The following UBN2 variants were observed in gnomAD, a reference collection of about 807,000 sequenced individuals.
UBN2 encodes ubinuclein 2.
UBN2 carries 35 observed loss-of-function variants against 120.2 expected under a neutral mutation model. That is an observed-to-expected ratio of 0.29 (90% confidence interval 0.22 to 0.39). The LOEUF (loss-of-function observed/expected upper bound fraction) is 0.39. Ranked by LOEUF, UBN2 falls within the 10% of genes least tolerant of loss-of-function variation. The probability of loss-of-function intolerance (pLI) is 1.00; values close to 1 mark genes in which losing one functional copy is unlikely to be tolerated. For synonymous variants in UBN2, 661 were observed against 648.7 expected, an observed-to-expected ratio of 1.02 and a Z score of -0.29; for missense variants, 1,693 against 1,663.2, an observed-to-expected ratio of 1.02 and a Z score of -0.31.
chr7:139,310,343 A>G (rs976452410), downstream of UBN2, among the ~76,000 whole-genome samples: 2 of 152,178 alleles, frequency 1.3e-5, no homozygotes, highest in African/African-American at 4.8e-5. Context: ...GTAGGGGAAA[A>G]AAGTACAAAG....
At position 139,298,759 on chromosome 7, in the gene UBN2, A is replaced by G. The variant is rs1446120862; in HGVS notation, c.*923A>G. ...TGCTGCTTTTAGCCCTTGCAGCAAC[A>G]TAAACTCTAAGTTTCCCCAGTTCAT... On this transcript the variant is annotated 3_prime_UTR_variant, in exon 18 of 18. Transcript: ENST00000473989. 6.6e-6 allele frequency: 1 copy of G among 152,062 alleles called. No individual in the cohort carries two copies. The highest frequency in any genetic ancestry group is 2.4e-5 in the African/African-American group (1 of 41,386). 9.4% of individuals were successfully genotyped at this position (152,062 alleles called of 1,614,324 possible).
rs778971167 is a variant in UBN2, at chr7:139,231,478, A to G, written c.-7A>G. The G allele has an allele frequency of 1.7e-5, 23 of 1,362,708 alleles. 1 individual carries two copies. The South Asian group carries it at 1.9e-4, about 11-fold the overall frequency. The allele number at this position is 1,362,708 out of a possible 1,614,324, so 84.4% of individuals were successfully genotyped here. ...TCGAGCAAAAGCGGAGGGCCAGAAC[A>G]GTGGGGATGGCGGAGCCGCGCAGAG... On this transcript the variant is annotated 5_prime_UTR_variant, in exon 1 of 18. Coordinates refer to ENST00000473989, the MANE Select transcript of UBN2 (RefSeq NM_173569.4).
intron 9 of UBN2, among the ~76,000 whole-genome samples, chr7:139,272,736 A>G (rs1797321210): frequency 6.6e-6 from 1 of 152,118 alleles, no homozygotes. Context: ...CATGTTGACC[A>G]GGCTGGTCTC....
downstream of UBN2, among the ~76,000 whole-genome samples, chr7:139,309,418 TG>T (rs1798417899): frequency 6.6e-6 from 1 of 152,210 alleles, no homozygotes; most frequent in African/African-American, 2.4e-5. Context: ...AAAAGTGTGT[TG>T]TTGTCAGCAG....
In UBN2 at chr7:139,259,301, A is replaced by AGAAGCG. The variant is rs1363896224; in HGVS notation, c.846_851dup (p.Arg283_Lys284dup). On this transcript the variant is annotated inframe_insertion, in exon 5 of 18. Coordinates refer to ENST00000473989, the MANE Select transcript of UBN2 (RefSeq NM_173569.4). ...ATAAAAGAAGATGATATTGAGATGAAGAAGCGGAAGCGGAAAGAGGAAGGG... is the reference window on the plus strand; with the variant it reads ...ATAAAAGAAGATGATATTGAGATGAAGAAGCGGAAGCGGAAGCGGAAAGAGGAAGGG... 4 of 1,613,848 alleles carry AGAAGCG rather than the reference A, an allele frequency of 2.5e-6. No homozygotes were observed. In the African/African-American group the frequency reaches 5.3e-5, roughly 22 times the overall value.
chr7:139,274,398 A>G (rs1797380232), intron 11 of UBN2, among the ~76,000 whole-genome samples: 1 of 152,200 alleles, frequency 6.6e-6, no homozygotes, highest in African/African-American at 2.4e-5. Flanking sequence ...TAGGGGTAAC[A>G]TGAAGATGAG....
At chr7:139,264,377 C>T (rs1431295484) in intron 6 of UBN2, among the ~76,000 whole-genome samples, 1 of 152,044 alleles carries the variant, frequency 6.6e-6, no homozygotes, top group Non-Finnish European at 1.5e-5. Context: ...TTCTGGTCAG[C>T]GATCCTCATG....
downstream of UBN2, among the ~76,000 whole-genome samples, chr7:139,310,983 G>A (rs915209730): frequency 2.6e-5 from 4 of 152,074 alleles, no homozygotes; most frequent in Non-Finnish European, 5.9e-5. Flanking sequence ...TTTGCCATCT[G>A]TATATATTGC....
intron 17 of UBN2, 130 bp from the exon 18 acceptor site, chr7:139,297,657 A>G: frequency 1.3e-6 from 1 of 783,412 alleles, no homozygotes; most frequent in Non-Finnish European, 2.1e-6. Context: ...CATGCAAGAT[A>G]TTAAAAGTGA....
chr7:139,309,803 G>A (rs1434724562), downstream of UBN2, among the ~76,000 whole-genome samples: 7 of 151,228 alleles, frequency 4.6e-5, no homozygotes, highest in South Asian at 8.4e-4. Context: ...CCCAGGAGGC[G>A]GAGGTTGCAG....
At chr7:139,320,181 AC>A in the UBN2 span, among the ~76,000 whole-genome samples, 10 of 151,800 alleles carry the variant, frequency 6.6e-5, no homozygotes, top group African/African-American at 2.4e-4. Context: ...AAAAATTCTG[AC>A]CAGACGTGAT....
chr7:139,289,416 T>C (rs1305725516), intron 15 of UBN2, among the ~76,000 whole-genome samples: 1 of 144,466 alleles, frequency 6.9e-6, no homozygotes, highest in Non-Finnish European at 1.5e-5. Context: ...ACATTTTGCT[T>C]TTTTTTTTTT....
chr7:139,316,070 T>A, the UBN2 span, among the ~76,000 whole-genome samples: 2 of 112,076 alleles, frequency 1.8e-5, no homozygotes, highest in South Asian at 2.7e-4. Context: ...AGAGCGAGAC[T>A]TCGTCTCAAA....
intron 2 of UBN2, among the ~76,000 whole-genome samples, chr7:139,249,208 C>T (rs959646917): frequency 2.0e-5 from 3 of 152,096 alleles, no homozygotes; most frequent in African/African-American, 2.4e-5. Flanking sequence ...CCATTACTTA[C>T]ATTTCGCACC....
At chr7:139,252,202 C>CT in intron 3 of UBN2, 145 bp downstream of exon 3, 3 of 573,716 alleles carry the variant, frequency 5.2e-6, no homozygotes, top group East Asian at 3.2e-5. Context: ...ATTTCTTTAC[C>CT]CTTTTTTTTT....
chr7:139,250,043 A>G (rs1168702297), intron 2 of UBN2, among the ~76,000 whole-genome samples: 2 of 151,666 alleles, frequency 1.3e-5, no homozygotes, highest in Admixed American at 6.6e-5. Flanking sequence ...ATCCCCTACC[A>G]AAAAAAATAT....
intron 2 of UBN2, among the ~76,000 whole-genome samples, chr7:139,251,720 C>T (rs1796629125): frequency 6.6e-6 from 1 of 152,176 alleles, no homozygotes; most frequent in Admixed American, 6.5e-5. Context: ...ACTGTAGTCA[C>T]CTAGAGAGGT....
chr7:139,284,680 A>G, intron 15 of UBN2, 106 bp downstream of exon 15: 3 of 998,566 alleles, frequency 3.0e-6, no homozygotes, highest in Non-Finnish European at 4.3e-6. Context: ...ATTGTTCTCA[A>G]TTGGCTTATT....
intron 6 of UBN2, among the ~76,000 whole-genome samples, chr7:139,265,681 C>CT (rs1410735277): frequency 6.6e-6 from 1 of 151,928 alleles, no homozygotes; most frequent in Admixed American, 6.6e-5. Context: ...AAGAGGGAGG[C>CT]AGAAGGAGGT....
Sources: gnomAD v4.1 joint callset for allele counts (sites outside exome capture counted in the v4.1 genomes callset) on GRCh38, gnomAD v4.1.1 for gene constraint, MANE v1.5 for transcripts, NCBI Gene and HGNC (gene_info 2026-07-23, HGNC 2026-07-21) for gene names.